The following SF3A3 variants were observed in gnomAD, a reference collection of about 807,000 sequenced individuals.
The protein encoded by SF3A3 is SAP 61.
In SF3A3, 9 loss-of-function variants were observed where a neutral mutation model predicts 85.8. That is an observed-to-expected ratio of 0.10 (90% CI 0.06 to 0.18). The LOEUF is 0.18. SF3A3 is among the 10% of genes least tolerant of loss of function. The pLI is 1.00. For synonymous variants in SF3A3, 195 were observed against 204.4 expected (o/e 0.95, Z 0.39); for missense variants, 306 against 593.3 (o/e 0.52, Z 5.03).
chr1:37,984,283 T>C, intron 5 of SF3A3, 23 bp from the exon 6 acceptor site: 1 of 1,386,136 alleles, frequency 7.2e-7, no homozygotes, highest in Non-Finnish European at 1.0e-6. Context: ...GATACATCAA[T>C]GATTCAGTTT....
intron 6 of SF3A3, among the ~76,000 whole-genome samples, chr1:37,982,791 A>C (rs72921901): frequency 0.013 from 2,033 of 152,274 alleles, 55 homozygotes; most frequent in African/African-American, 0.047. Flanking sequence ...AAACAGGAAC[A>C]CCTAGAAGAA....
At chr1:37,967,511 C>T (rs762069143) in intron 15 of SF3A3, among the ~76,000 whole-genome samples, 8 of 151,492 alleles carry the variant, frequency 5.3e-5, no homozygotes, top group Non-Finnish European at 8.8e-5. Flanking sequence ...AACCCTGTCT[C>T]TACTAAAAAC....
chr1:37,959,641 C>T (rs1359790853), intron 16 of SF3A3, among the ~76,000 whole-genome samples: 2 of 152,064 alleles, frequency 1.3e-5, no homozygotes, highest in East Asian at 3.9e-4. Context: ...TGCAGTGGCA[C>T]AATCTCGGCT....
intron 2 of SF3A3, among the ~76,000 whole-genome samples, chr1:37,988,890 TA>T (rs1306655471): frequency 5.3e-5 from 8 of 149,560 alleles, no homozygotes; most frequent in African/African-American, 2.0e-4. Flanking sequence ...TATATATATA[TA>T]TATATTTTTT....
intron 11 of SF3A3, among the ~76,000 whole-genome samples, chr1:37,977,772 G>A (rs975090145): frequency 1.3e-5 from 2 of 152,098 alleles, no homozygotes; most frequent in Non-Finnish European, 2.9e-5. Flanking sequence ...CAGGGCGGTG[G>A]AGGTTGCAGC....
intron 11 of SF3A3, among the ~76,000 whole-genome samples, chr1:37,977,375 G>A (rs577327398): frequency 6.6e-6 from 1 of 152,060 alleles, no homozygotes; most frequent in African/African-American, 2.4e-5. Context: ...CTAATTTTCT[G>A]GGTTGTTGTG....
intron 12 of SF3A3, among the ~76,000 whole-genome samples, chr1:37,970,304 CAAAAA>C (rs35452372): frequency 9.7e-6 from 1 of 103,464 alleles, no homozygotes; most frequent in Admixed American, 1.1e-4. Flanking sequence ...GACTCCTTCT[CAAAAA>C]AAAAAAAAAA....
At chr1:37,969,786 A>T in intron 12 of SF3A3, 51 bp from the exon 13 acceptor site, 2 of 1,587,374 alleles carry the variant, frequency 1.3e-6, no homozygotes, top group Non-Finnish European at 1.7e-6. Flanking sequence ...GCAGAATAAG[A>T]AGGGAAATTT....
intron 12 of SF3A3, among the ~76,000 whole-genome samples, chr1:37,972,254 C>T (rs187733947): frequency 6.6e-6 from 1 of 152,298 alleles, no homozygotes; most frequent in East Asian, 1.9e-4. Flanking sequence ...CTCCCCTTCA[C>T]AATTCCTTCA....
At position 37,957,702 on chromosome 1, in the gene SF3A3, G is replaced by A. The variant is rs1646229792; in HGVS notation, c.*484C>T. 6.5e-6 allele frequency: 1 copy of A among 153,816 alleles called. No individual in the cohort carries two copies. The highest frequency in any genetic ancestry group is 6.5e-5 in the Admixed American group (1 of 15,444). The allele number at this position is 153,816 out of a possible 1,614,324, so 9.5% of individuals were successfully genotyped here. On this transcript the variant is annotated 3_prime_UTR_variant, in exon 17 of 17. Coordinates refer to ENST00000373019, the MANE Select transcript of SF3A3 (RefSeq NM_006802.4). ...ACACTTAGTCCTTAGTAGCAACCCT[G>A]GCTCATCCTCCTAGTCTTTCCCTAG...
At position 37,957,538 on chromosome 1, in the gene SF3A3, G is replaced by T. The variant is rs1646228794; in HGVS notation, c.*648C>A. On this transcript the variant is annotated 3_prime_UTR_variant, in exon 17 of 17. Coordinates refer to ENST00000373019, the MANE Select transcript of SF3A3 (RefSeq NM_006802.4). ...TTTTTTTTTTTTTTAATGAGACAGG[G>T]TCTCACTATGTTACCTAGGCTAGTC... The T allele has an allele frequency of 1.3e-5, 2 of 149,814 alleles. No individual in the cohort carries two copies. Among genetic ancestry groups the T allele is most frequent in the Admixed American group, 1.3e-4 (2 of 15,010 alleles). 9.3% of individuals were successfully genotyped at this position (149,814 alleles called of 1,614,324 possible). A position where few individuals can be genotyped will look rare whatever the true frequency, so the allele number is the denominator to read the frequency against.
At chr1:37,984,439 C>G (rs1398045941) in intron 5 of SF3A3, among the ~76,000 whole-genome samples, 179 bp from the exon 6 acceptor site, 1 of 152,192 alleles carries the variant, frequency 6.6e-6, no homozygotes, top group Non-Finnish European at 1.5e-5. Flanking sequence ...TTTTCTCTTA[C>G]AAGGTAACAA....
intron 6 of SF3A3, 113 bp downstream of exon 6, chr1:37,984,056 A>T: frequency 1.8e-6 from 1 of 542,926 alleles, no homozygotes; most frequent in East Asian, 2.9e-5. Context: ...TTTACATAAG[A>T]GTTTTAAAAC....
Position 37,981,773 on chromosome 1 carries a change from T to G in SF3A3, c.507A>C (p.Gln169His). Residue 169 changes from glutamine (Q) to histidine (H), a missense_variant, in exon 7 of 17, where the codon CAA becomes CAC. Transcript: ENST00000373019. ...DYITYLSIFD[Q>H]LFDIPKERKN... ...TCCTTTCTTTAGGAATGTCAAATAA[T>G]TGGTCAAAGATGGACAGGTATGTGA... 3 of 1,599,264 alleles carry G rather than the reference T, an allele frequency of 1.9e-6. No homozygotes were observed. The South Asian group carries it at 3.3e-5, about 18-fold the overall frequency.
intron 15 of SF3A3, among the ~76,000 whole-genome samples, chr1:37,963,100 A>G (rs2148715139): frequency 6.6e-6 from 1 of 152,262 alleles, no homozygotes; most frequent in African/African-American, 2.4e-5. Flanking sequence ...AAAAAAAAAA[A>G]AATCACTGCA....
intron 14 of SF3A3, among the ~76,000 whole-genome samples, chr1:37,968,420 A>C (rs902018814): frequency 1.1e-4 from 17 of 152,220 alleles, no homozygotes; most frequent in Admixed American, 6.5e-4. Context: ...ACAGAAAAAC[A>C]TCACAACTCT....
chr1:37,988,987 T>G (rs1252078201), intron 2 of SF3A3, among the ~76,000 whole-genome samples: 5 of 151,796 alleles, frequency 3.3e-5, no homozygotes, highest in African/African-American at 1.2e-4. Context: ...GGATACAGGA[T>G]GCTGTAAGAA....
At chr1:37,988,136 C>T (rs538446386) in intron 2 of SF3A3, among the ~76,000 whole-genome samples, 2 of 152,310 alleles carry the variant, frequency 1.3e-5, no homozygotes, top group South Asian at 4.1e-4. Flanking sequence ...TGCCTAACTT[C>T]CCCTGTAACA....
rs141437518 is a variant in SF3A3, at chr1:37,975,134, T to C, written c.1005+1750A>G. On this transcript the variant is annotated intron_variant, in intron 12 of 16. Coordinates refer to ENST00000373019, the MANE Select transcript of SF3A3 (RefSeq NM_006802.4). ...TGGTATAATAATGGCAAAAATCTTA[T>C]CAGTTCATAGTGAGAGCAACTTCTG... 3.5e-4 allele frequency among the ~76,000 whole-genome samples: 53 copies of C among 152,312 alleles called. 1 individual carries two copies. The East Asian group carries it at 9.4e-3, about 27-fold the overall frequency.
Sources: allele counts gnomAD v4.1 joint callset (sites outside exome capture counted in the v4.1 genomes callset), GRCh38; gene constraint gnomAD v4.1.1; transcripts MANE v1.5; gene names NCBI Gene and HGNC (gene_info 2026-07-23, HGNC 2026-07-21).